The following TCF15 variants were observed in gnomAD, a reference collection of about 807,000 sequenced individuals.
TCF15 encodes the protein transcription factor 15.
In TCF15, 7 loss-of-function variants were observed where a neutral mutation model predicts 11.1. That is an observed-to-expected ratio of 0.63 (90% CI 0.36 to 1.19). TCF15 has a LOEUF of 1.19. Ranked by LOEUF, TCF15 falls within the 50% of genes most tolerant of loss-of-function variation. The pLI is 0.02. For missense variants in TCF15, 288 were observed against 289.4 expected, an observed-to-expected ratio of 1.00 and a Z score of 0.03; for synonymous variants, 144 against 138.9, an observed-to-expected ratio of 1.04 and a Z score of -0.26.
At position 609,769 on chromosome 20, in the gene TCF15, C is replaced by T. The variant is rs114812106; in HGVS notation, c.469G>A (p.Gly157Ser). 4.0e-3 allele frequency: 5,677 copies of T among 1,408,380 alleles called. 172 individuals carry two copies. In the African/African-American group the frequency reaches 0.07, roughly 17 times the overall value. The allele number at this position is 1,408,380 out of a possible 1,614,324, so 87.2% of individuals were successfully genotyped here. The change falls in exon 1 of 2, where the codon GGC (glycine) becomes AGC (serine). Residue 157 changes from glycine (G) to serine (S), a missense_variant. By Grantham distance (56) the Gly-to-Ser change is moderately conservative. Transcript: ENST00000246080. The surrounding 1 kb of genome is among the most constrained non-coding windows in gnomAD (Gnocchi z 4.7). ...CAGATGGAGCGCGGCTGGCGGCCGCCGTCGGCGGCGGCGGGGACGGCGCCC... is the reference window on the plus strand; with the variant it reads ...CAGATGGAGCGCGGCTGGCGGCCGCTGTCGGCGGCGGCGGGGACGGCGCCC... ...AKGAVPAAAD[G>S]GRQPRSICTF...
At chr20:606,426 C>T (rs1298082068) in intron 1 of TCF15, among the ~76,000 whole-genome samples, 1 of 152,190 alleles carries the variant, frequency 6.6e-6, no homozygotes, top group Non-Finnish European at 1.5e-5. Context: ...ACCTCAGTTT[C>T]TTCATCTATG....
intron 1 of TCF15, among the ~76,000 whole-genome samples, chr20:607,019 C>CG (rs1023341837): frequency 6.6e-5 from 10 of 152,154 alleles, no homozygotes; most frequent in African/African-American, 2.4e-4. Flanking sequence ...GTTTCCCCCC[C>CG]GTAAAGGGGA....
rs1231459490 is a variant in TCF15, at chr20:608,461, C to G, written c.525+1252G>C. On this transcript the variant is annotated intron_variant, in intron 1 of 1. Transcript: ENST00000246080. Reference sequence around the variant, plus strand: ...CCCACTCCTGGCTTCTCAGCCCAGCCTGGGGCACTGACAGGGGCCCACAGC... The same window carrying G: ...CCCACTCCTGGCTTCTCAGCCCAGCGTGGGGCACTGACAGGGGCCCACAGC... Among the ~76,000 whole-genome samples, 4 of 152,242 alleles carry G rather than the reference C, an allele frequency of 2.6e-5. No individual in the cohort carries two copies. In the East Asian group the frequency reaches 7.7e-4, roughly 29 times the overall value.
Position 609,679 on chromosome 20 carries a change from C to T in TCF15, c.525+34G>A. The T allele has an allele frequency of 1.5e-6, 2 of 1,335,836 alleles. No homozygotes were observed. Among genetic ancestry groups the T allele is most frequent in the Non-Finnish European group, 1.9e-6 (2 of 1,051,422 alleles). 82.7% of individuals were successfully genotyped at this position (1,335,836 alleles called of 1,614,324 possible). On this transcript the variant is annotated intron_variant, in intron 1 of 1. Coordinates refer to ENST00000246080, the MANE Select transcript of TCF15 (RefSeq NM_004609.4). The surrounding 1 kb of genome is among the most constrained non-coding windows in gnomAD (Gnocchi z 4.7). ...GGCGCTGCCCCCCGCCTACCCCGAC[C>T]TGGCGGCCGCAGCGAGGGACGCAGC... is the stretch of plus-strand genomic sequence containing the variant.
intron 1 of TCF15, among the ~76,000 whole-genome samples, chr20:605,645 C>T (rs903509869): frequency 2.0e-5 from 3 of 152,186 alleles, no homozygotes; most frequent in Admixed American, 6.5e-5. Flanking sequence ...CAATCAAGGC[C>T]GCCTGAATTA....
In TCF15 at chr20:610,266, G is replaced by C. The variant is rs910171329; in HGVS notation, c.-29C>G. The C allele has an allele frequency of 7.4e-5, 73 of 988,476 alleles. 1 individual carries two copies. In the Middle Eastern group the frequency reaches 2.6e-3, roughly 35 times the overall value. 61.2% of individuals were successfully genotyped at this position (988,476 alleles called of 1,614,324 possible). A position where few individuals can be genotyped will look rare whatever the true frequency, so the allele number is the denominator to read the frequency against. On this transcript the variant is annotated 5_prime_UTR_variant, in exon 1 of 2. Transcript: ENST00000246080. ...CGCCGGCCGCGTCCCTCCGTGCGCC[G>C]CGTCCCAGCGTCGGCCGCGCCCCGC... is the stretch of plus-strand genomic sequence containing the variant.
rs973143347 is a variant in TCF15, at chr20:610,283, G to T, written c.-46C>A. 7 of 987,528 alleles carry T rather than the reference G, an allele frequency of 7.1e-6. No homozygotes were observed. Among genetic ancestry groups the T allele is most frequent in the East Asian group, 1.1e-4 (1 of 8,868 alleles). The allele number at this position is 987,528 out of a possible 1,614,324, so 61.2% of individuals were successfully genotyped here. On this transcript the variant is annotated 5_prime_UTR_variant, in exon 1 of 2. Transcript: ENST00000246080. The stretch of plus-strand genomic sequence containing the variant: ...CGTGCGCCGCGTCCCAGCGTCGGCC[G>T]CGCCCCGCCGTGCGCTCCCGCGCGC...
intron 1 of TCF15, among the ~76,000 whole-genome samples, chr20:607,349 C>G (rs939724381): frequency 2.6e-5 from 4 of 152,208 alleles, no homozygotes; most frequent in Non-Finnish European, 5.9e-5. Context: ...GAAACTGTTT[C>G]CACGGCAACC....
chr20:607,150 T>A lies in TCF15; in HGVS notation c.526-2485A>T, dbSNP rs577653620. 1.2e-4 allele frequency among the ~76,000 whole-genome samples: 19 copies of A among 152,328 alleles called. No homozygotes were observed. In the East Asian group the frequency reaches 3.5e-3, roughly 28 times the overall value. Reference sequence around the variant, plus strand: ...ATCAGCATCATCTATGGACAGTGCCTCCTGGTCCCAGCTACCCTCTGGGTA... The same window carrying A: ...ATCAGCATCATCTATGGACAGTGCCACCTGGTCCCAGCTACCCTCTGGGTA... On this transcript the variant is annotated intron_variant, in intron 1 of 1. Transcript: ENST00000246080.
In TCF15 at chr20:604,763, A is replaced by C. The variant is rs2019958683; in HGVS notation, c.526-98T>G. ...CCTCAAGAGGGATCCTGATCAATAA[A>C]TCACAGTTCAGCCACACGATCAAGT... On this transcript the variant is annotated intron_variant, in intron 1 of 1. Transcript: ENST00000246080. The surrounding 1 kb of genome is among the most constrained non-coding windows in gnomAD (Gnocchi z 4.2). 4 of 947,714 alleles carry C rather than the reference A, an allele frequency of 4.2e-6. No homozygotes were observed. Among genetic ancestry groups the C allele is most frequent in the East Asian group, 2.7e-5 (1 of 36,854 alleles). The allele number at this position is 947,714 out of a possible 1,614,324, so 58.7% of individuals were successfully genotyped here. A position where few individuals can be genotyped will look rare whatever the true frequency, so the allele number is the denominator to read the frequency against.
chr20:606,707 A>C (rs2019978432), intron 1 of TCF15, among the ~76,000 whole-genome samples: 1 of 151,936 alleles, frequency 6.6e-6, no homozygotes, highest in South Asian at 2.1e-4. Context: ...AATCCCAGCT[A>C]CTTGGGAGGC....
rs928974244 is a variant in TCF15 at position 604,474 on chromosome 20, C to T, written c.*117G>A. The stretch of plus-strand genomic sequence containing the variant: ...CCCGAGGGCCCTGCCCAGAGTGTCC[C>T]GGAACAGGCCATGGTCCCCCGGTCC... On this transcript the variant is annotated 3_prime_UTR_variant, in exon 2 of 2. Coordinates refer to ENST00000246080, the MANE Select transcript of TCF15 (RefSeq NM_004609.4). The surrounding 1 kb of genome is among the most constrained non-coding windows in gnomAD (Gnocchi z 4.2). The T allele has an allele frequency of 2.4e-5, 23 of 962,760 alleles. No homozygotes were observed. The highest frequency in any genetic ancestry group is 8.1e-5 in the Admixed American group (4 of 49,366). 59.6% of individuals were successfully genotyped at this position (962,760 alleles called of 1,614,324 possible).
At position 609,985 on chromosome 20, in the gene TCF15, T is replaced by C. The variant is rs1037458491; in HGVS notation, c.253A>G (p.Thr85Ala). Reference sequence around the variant, plus strand: ...GTGAAGGCCGTGTTCACGCTCTGAGTGCGGTCCCGCTCCCGCGCGTTGGCC... The same window carrying C: ...GTGAAGGCCGTGTTCACGCTCTGAGCGCGGTCCCGCTCCCGCGCGTTGGCC... ...QAANARERDR[T>A]QSVNTAFTAL... Residue 85 changes from threonine to alanine, a missense_variant, in exon 1 of 2, where the codon ACT becomes GCT. Thr to Ala is a moderately conservative substitution (Grantham distance 58, BLOSUM62 0). Coordinates refer to ENST00000246080, the MANE Select transcript of TCF15 (RefSeq NM_004609.4). This position sits in a 1 kb window ranked among gnomAD's most constrained non-coding sequence, Gnocchi z 4.7. 1 of 1,420,334 alleles carries C rather than the reference T, an allele frequency of 7.0e-7. No homozygotes were observed. The highest frequency in any genetic ancestry group is 9.2e-7 in the Non-Finnish European group (1 of 1,088,810). 88.0% of individuals were successfully genotyped at this position (1,420,334 alleles called of 1,614,324 possible).
chr20:608,632 G>C (rs2019996415), intron 1 of TCF15, among the ~76,000 whole-genome samples: 1 of 152,208 alleles, frequency 6.6e-6, no homozygotes, highest in African/African-American at 2.4e-5. Context: ...AAGATGCAGA[G>C]GCCTCCGCAG....
At position 606,275 on chromosome 20, in the gene TCF15, T is replaced by C. The variant is rs568584321; in HGVS notation, c.526-1610A>G. On this transcript the variant is annotated intron_variant, in intron 1 of 1. Transcript: ENST00000246080. ...TAGGGGAGGGGGTGCAATATTAAGG[T>C]TGAATTAGAAAACTGGCCTTCCTCT... is the stretch of plus-strand genomic sequence containing the variant. 7.3e-5 allele frequency among the ~76,000 whole-genome samples: 11 copies of C among 151,698 alleles called. No homozygotes were observed. The South Asian group carries it at 8.4e-4, about 12-fold the overall frequency.
At chr20:608,934 C>T (rs964768318) in intron 1 of TCF15, among the ~76,000 whole-genome samples, 1 of 152,174 alleles carries the variant, frequency 6.6e-6, no homozygotes, top group Admixed American at 6.5e-5. Flanking sequence ...ACACAGCCCC[C>T]GCCCACCCCT....
rs2020011304 is a variant in TCF15, at chr20:610,078, C to A, written c.160G>T (p.Gly54Trp). The A allele has an allele frequency of 2.0e-6, 2 of 985,958 alleles. No individual in the cohort carries two copies. The highest frequency in any genetic ancestry group is 2.4e-6 in the Non-Finnish European group (2 of 831,932). 61.1% of individuals were successfully genotyped at this position (985,958 alleles called of 1,614,324 possible). Residue 54 changes from glycine to tryptophan, a missense_variant, in exon 1 of 2, where the codon GGG becomes TGG. Coordinates refer to ENST00000246080, the MANE Select transcript of TCF15 (RefSeq NM_004609.4). ...CCGCCGCCCGCCCGCCGCCCGCCCCCGGGGCCCGGGCCGCGCCGCGCCGCC... is the reference window on the plus strand; with the variant it reads ...CCGCCGCCCGCCCGCCGCCCGCCCCAGGGGCCCGGGCCGCGCCGCGCCGCC... ...PEAARRGPGP[G>W]GGRRAGGGGG...
At chr20:605,316 G>A (rs2019964233) in intron 1 of TCF15, among the ~76,000 whole-genome samples, 2 of 152,208 alleles carry the variant, frequency 1.3e-5, no homozygotes, top group Admixed American at 1.3e-4. Context: ...CATGCCTAGC[G>A]GCTCACTCGT....
At chr20:607,864 C>T (rs1217235123) in intron 1 of TCF15, among the ~76,000 whole-genome samples, 1 of 152,220 alleles carries the variant, frequency 6.6e-6, no homozygotes, top group African/African-American at 2.4e-5. Context: ...ATAACCACAG[C>T]GCCTCATTCC....
Sources: allele counts gnomAD v4.1 joint callset (sites outside exome capture counted in the v4.1 genomes callset), GRCh38; gene constraint gnomAD v4.1.1; non-coding constraint Gnocchi (gnomAD v3.1); transcripts MANE v1.5; gene names NCBI Gene and HGNC (gene_info 2026-07-23, HGNC 2026-07-21).